Variants in GALNT13 observed in about 807,000 individuals in gnomAD.
GALNT13 encodes the protein polypeptide N-acetylgalactosaminyltransferase 13.
GALNT13 carries 28 observed loss-of-function variants against 64.2 expected under a neutral mutation model. The ratio of observed to expected loss-of-function variants is 0.44; its 90% confidence interval spans 0.32 to 0.60. The LOEUF (loss-of-function observed/expected upper bound fraction) is 0.60, where lower values mean the gene tolerates loss of function less well. GALNT13 is among the 20% of genes least tolerant of loss of function. GALNT13 has a pLI of 0.05. For synonymous variants in GALNT13, 214 were observed against 224.6 expected (o/e 0.95, Z 0.42); for missense variants, 577 against 669.8 (o/e 0.86, Z 1.53).
chr2:153,887,158 A>G (rs935228402), intron 1 of GALNT13, among the ~76,000 whole-genome samples: 2 of 151,874 alleles, frequency 1.3e-5, no homozygotes, highest in Admixed American at 6.6e-5. Context: ...TAATTCTTAC[A>G]GCACTATGAG....
chr2:153,914,759 C>T (rs1689213952), intron 2 of GALNT13, among the ~76,000 whole-genome samples: 1 of 152,056 alleles, frequency 6.6e-6, no homozygotes, highest in East Asian at 1.9e-4. Context: ...AGTATGGTAC[C>T]TGGGGCACAT....
chr2:153,967,776 A>G (rs1192108480), intron 3 of GALNT13, among the ~76,000 whole-genome samples: 1 of 152,026 alleles, frequency 6.6e-6, no homozygotes, highest in Non-Finnish European at 1.5e-5. Context: ...TATTTTTGTC[A>G]AGGCCCAAGG....
intron 12 of GALNT13, among the ~76,000 whole-genome samples, chr2:154,449,484 A>AG (rs1318435262): frequency 1.3e-5 from 2 of 151,652 alleles, no homozygotes; most frequent in African/African-American, 4.8e-5. Flanking sequence ...AATTTGCAAA[A>AG]AAAAAAGTAT....
At chr2:154,270,629 T>C (rs762518540) in intron 8 of GALNT13, among the ~76,000 whole-genome samples, 1 of 151,864 alleles carries the variant, frequency 6.6e-6, no homozygotes, top group African/African-American at 2.4e-5. Flanking sequence ...CTAGTCACAT[T>C]GAATAATCAA....
chr2:153,300,349 A>G, the GALNT13 span, among the ~76,000 whole-genome samples: 3 of 152,262 alleles, frequency 2.0e-5, no homozygotes, highest in South Asian at 6.2e-4. Context: ...AAGCTACAGT[A>G]TACGGTAAAG....
the GALNT13 span, among the ~76,000 whole-genome samples, chr2:153,504,190 C>T: frequency 3.3e-5 from 5 of 152,152 alleles, no homozygotes; most frequent in Non-Finnish European, 7.3e-5. Context: ...AGCTTGGTTG[C>T]TGTTGGTGTA....
intron 9 of GALNT13, among the ~76,000 whole-genome samples, chr2:154,372,824 GA>G (rs1242932538): frequency 2.0e-5 from 3 of 151,032 alleles, no homozygotes; most frequent in Admixed American, 2.0e-4. Context: ...CTCTATATTT[GA>G]AAAAAAATCA....
At chr2:153,318,713 T>C in the GALNT13 span, among the ~76,000 whole-genome samples, 1 of 152,198 alleles carries the variant, frequency 6.6e-6, no homozygotes, top group Non-Finnish European at 1.5e-5. Context: ...CTACATTGAA[T>C]TGGATTTTTC....
intron 7 of GALNT13, among the ~76,000 whole-genome samples, chr2:154,246,474 C>A (rs2105879265): frequency 1.3e-5 from 2 of 152,074 alleles, no homozygotes; most frequent in East Asian, 3.9e-4. Flanking sequence ...CTTATTATCC[C>A]AAATTACTTC....
In GALNT13 at chr2:154,242,882, G is replaced by A. The variant is rs1183744795; in HGVS notation, c.663G>A (p.Leu221=). Residue 221 remains leucine, a synonymous_variant, in exon 6 of 13, where the codon TTG becomes TTA. Coordinates refer to ENST00000392825, the MANE Select transcript of GALNT13 (RefSeq NM_052917.4). ...CECTLGWLEP[L]LARIKEDRKT... ...GCACGTTAGGATGGCTGGAGCCTTT[G>A]CTGGCAAGAATAAAGGAAGACAGGT... 6.2e-7 allele frequency: 1 copy of A among 1,614,098 alleles called. No individual in the cohort carries two copies. Among genetic ancestry groups the A allele is most frequent in the Admixed American group, 1.7e-5 (1 of 60,014 alleles).
the GALNT13 span, among the ~76,000 whole-genome samples, chr2:153,185,201 T>C: frequency 2.2e-3 from 333 of 152,322 alleles, 1 homozygote; most frequent in Admixed American, 4.8e-3. Flanking sequence ...AGGGTACATG[T>C]GTCCAGGGAT....
At chr2:154,145,048 T>TTTCTCTC (rs371819654) in intron 4 of GALNT13, among the ~76,000 whole-genome samples, 2 of 106,678 alleles carry the variant, frequency 1.9e-5, no homozygotes, top group South Asian at 6.7e-4. Context: ...ATTTATGTAG[T>TTTCTCTC]TCTCTCTCTC....
At chr2:153,820,783 AC>A in the GALNT13 span, among the ~76,000 whole-genome samples, 2 of 151,926 alleles carry the variant, frequency 1.3e-5, no homozygotes, top group South Asian at 4.1e-4. Flanking sequence ...TAGCCAACAT[AC>A]CCTATAAAAC....
At chr2:154,272,427 A>C (rs961020088) in intron 8 of GALNT13, among the ~76,000 whole-genome samples, 1 of 152,094 alleles carries the variant, frequency 6.6e-6, no homozygotes, top group Admixed American at 6.6e-5. Context: ...TAAAATGTCA[A>C]CTTTGAGAAA....
the GALNT13 span, among the ~76,000 whole-genome samples, chr2:153,398,569 T>A: frequency 6.6e-6 from 1 of 152,018 alleles, no homozygotes; most frequent in Non-Finnish European, 1.5e-5. Flanking sequence ...TTTCTCCACA[T>A]CCTCTCCAGC....
intron 9 of GALNT13, among the ~76,000 whole-genome samples, chr2:154,389,608 A>AT (rs1185354349): frequency 6.6e-6 from 1 of 152,178 alleles, no homozygotes; most frequent in East Asian, 1.9e-4. Context: ...TAGGGGAAGA[A>AT]TTTAACTGAA....
chr2:153,858,713 G>GT, the GALNT13 span, among the ~76,000 whole-genome samples: 16 of 151,952 alleles, frequency 1.1e-4, no homozygotes, highest in East Asian at 3.9e-4. Flanking sequence ...TAGTTTATAG[G>GT]TTTTTTTATT....
At chr2:153,545,728 A>G in the GALNT13 span, among the ~76,000 whole-genome samples, 1 of 152,118 alleles carries the variant, frequency 6.6e-6, no homozygotes, top group Non-Finnish European at 1.5e-5. Flanking sequence ...TTATGCCCCA[A>G]TATCTAGGGA....
the GALNT13 span, among the ~76,000 whole-genome samples, chr2:153,483,805 T>C: frequency 6.6e-6 from 1 of 152,128 alleles, no homozygotes; most frequent in Non-Finnish European, 1.5e-5. Flanking sequence ...AAGAATAATA[T>C]GGTATGATTT....
Sources: gnomAD v4.1 joint callset for allele counts (sites outside exome capture counted in the v4.1 genomes callset) on GRCh38, gnomAD v4.1.1 for gene constraint, MANE v1.5 for transcripts, NCBI Gene and HGNC (gene_info 2026-07-23, HGNC 2026-07-21) for gene names.